The following MED12L variants were observed in gnomAD, a reference collection of about 807,000 sequenced individuals.
MED12L encodes mediator of RNA polymerase II transcription subunit 12-like protein.
MED12L carries 60 observed loss-of-function variants against 281.3 expected under a neutral mutation model. The ratio of observed to expected loss-of-function variants is 0.21; its 90% CI spans 0.17 to 0.26. The LOEUF is 0.26. Among genes scored for constraint, MED12L ranks in the 10% least tolerant of loss-of-function variants. MED12L has a pLI of 1.00. For missense variants in MED12L, 2,146 were observed against 2,680.9 expected, an observed-to-expected ratio of 0.80 and a Z score of 4.41; for synonymous variants, 974 against 987.2, an observed-to-expected ratio of 0.99 and a Z score of 0.25.
intron 4 of MED12L, among the ~76,000 whole-genome samples, chr3:151,123,216 G>C (rs1374304187): frequency 6.6e-6 from 1 of 151,968 alleles, no homozygotes; most frequent in Non-Finnish European, 1.5e-5. Context: ...TGGATTTTAG[G>C]TAGACAAGAT....
chr3:151,264,494 A>G (rs1200187719), intron 16 of MED12L, among the ~76,000 whole-genome samples: 1 of 152,244 alleles, frequency 6.6e-6, no homozygotes, highest in African/African-American at 2.4e-5. Context: ...TAGTTGGTTT[A>G]TGATTGTGTA....
chr3:151,155,871 C>T lies in MED12L; in HGVS notation c.557-290C>T, dbSNP rs528388302. Reference sequence around the variant, plus strand: ...CAGATGGACCCAATTCGAGAGTGAACATCTCTTCTCCTAGGTTAAGAGTCA... The same window carrying T: ...CAGATGGACCCAATTCGAGAGTGAATATCTCTTCTCCTAGGTTAAGAGTCA... On this transcript the variant is annotated intron_variant, in intron 5 of 44. Coordinates refer to ENST00000687756, the MANE Select transcript of MED12L (RefSeq NM_001393769.1). 2.6e-5 allele frequency among the ~76,000 whole-genome samples: 4 copies of T among 152,302 alleles called. No homozygotes were observed. In the South Asian group the frequency reaches 8.3e-4, roughly 32 times the overall value.
rs1177617265 is a variant in MED12L at position 151,137,160 on chromosome 3, C to CA, written c.556+9187dup. On this transcript the variant is annotated intron_variant, in intron 5 of 44. Coordinates refer to ENST00000687756, the MANE Select transcript of MED12L (RefSeq NM_001393769.1). The stretch of plus-strand genomic sequence containing the variant: ...CTGGTAACAGAGGTAGACTCCGTCT[C>CA]AAAAAAAAAAAGAAAAAAAAAAAAA... Among the ~76,000 whole-genome samples, 252 of 56,670 alleles carry CA rather than the reference C, an allele frequency of 4.4e-3. 1 individual carries two copies. The highest frequency in any genetic ancestry group is 0.014 in the African/African-American group (196 of 13,806). 37.2% of individuals were successfully genotyped at this position (56,670 alleles called of 152,430 possible).
intron 16 of MED12L, among the ~76,000 whole-genome samples, chr3:151,195,568 A>G (rs2149118054): frequency 6.6e-6 from 1 of 152,324 alleles, no homozygotes; most frequent in Non-Finnish European, 1.5e-5. Context: ...CATTTATAAT[A>G]TAATGGAATA....
intron 5 of MED12L, among the ~76,000 whole-genome samples, chr3:151,132,441 C>G (rs535059351): frequency 6.6e-6 from 1 of 152,290 alleles, no homozygotes; most frequent in Admixed American, 6.5e-5. Context: ...ATTTTGTAGA[C>G]TGTCCATTGA....
chr3:151,186,704 C>T (rs546529435), intron 12 of MED12L, among the ~76,000 whole-genome samples: 10 of 152,160 alleles, frequency 6.6e-5, no homozygotes, highest in African/African-American at 9.7e-5. Context: ...TCCATCACCA[C>T]GTGATCAAAG....
intron 43 of MED12L, among the ~76,000 whole-genome samples, chr3:151,426,193 G>T (rs1448353133): frequency 6.6e-6 from 1 of 152,194 alleles, no homozygotes; most frequent in African/African-American, 2.4e-5. Flanking sequence ...CCACTTGGGG[G>T]AGCCATTTTA....
At chr3:151,229,711 T>C (rs531709301) in intron 16 of MED12L, among the ~76,000 whole-genome samples, 1 of 151,958 alleles carries the variant, frequency 6.6e-6, no homozygotes, top group Admixed American at 6.6e-5. Flanking sequence ...GTGATCCGCC[T>C]GCCTCGGCCT....
chr3:151,362,982 C>A (rs138257212), intron 21 of MED12L, among the ~76,000 whole-genome samples: 1 of 152,054 alleles, frequency 6.6e-6, no homozygotes, highest in Admixed American at 6.6e-5. Context: ...TTACAGCAGC[C>A]GTTTTTTTAA....
At chr3:151,338,587 G>A in intron 16 of MED12L, 1 of 1,613,984 alleles carries the variant, frequency 6.2e-7, no homozygotes, top group Non-Finnish European at 8.5e-7. Flanking sequence ...CCTGTTCCCA[G>A]TTTGGCATCA....
intron 16 of MED12L, among the ~76,000 whole-genome samples, chr3:151,277,225 G>T (rs200302351): frequency 5.3e-5 from 8 of 150,960 alleles, no homozygotes; most frequent in Non-Finnish European, 1.0e-4. Flanking sequence ...TTTTTTTCCA[G>T]ACATGACAAT....
intron 16 of MED12L, among the ~76,000 whole-genome samples, chr3:151,226,486 T>C (rs915782869): frequency 8.5e-5 from 13 of 152,216 alleles, no homozygotes; most frequent in African/African-American, 3.1e-4. Context: ...TAATGTCTGA[T>C]TGATTCCAAG....
At chr3:151,321,469 A>T (rs1269262464) in intron 16 of MED12L, among the ~76,000 whole-genome samples, 1 of 152,208 alleles carries the variant, frequency 6.6e-6, no homozygotes, top group Non-Finnish European at 1.5e-5. Context: ...CAGTGACATT[A>T]TGTGTATATA....
chr3:151,260,728 C>T (rs547060223), intron 16 of MED12L, among the ~76,000 whole-genome samples: 1 of 152,232 alleles, frequency 6.6e-6, no homozygotes, highest in African/African-American at 2.4e-5. Flanking sequence ...GATCACTTTT[C>T]TGAGGTTTGT....
chr3:151,129,588 T>A (rs1715061078), intron 5 of MED12L, among the ~76,000 whole-genome samples: 1 of 152,146 alleles, frequency 6.6e-6, no homozygotes, highest in Non-Finnish European at 1.5e-5. Flanking sequence ...TTTCAAATAG[T>A]GCTGAAGTAG....
At chr3:151,135,523 A>G (rs1716019154) in intron 5 of MED12L, among the ~76,000 whole-genome samples, 1 of 152,196 alleles carries the variant, frequency 6.6e-6, no homozygotes, top group South Asian at 2.1e-4. Context: ...AGGTTTCATT[A>G]TTCCATTTTG....
intron 14 of MED12L, among the ~76,000 whole-genome samples, chr3:151,191,739 T>A (rs1724006689): frequency 6.6e-6 from 1 of 152,204 alleles, no homozygotes; most frequent in Non-Finnish European, 1.5e-5. Flanking sequence ...AAACCCTGTC[T>A]GTACCAAAAA....
At chr3:151,198,298 A>G (rs1724954255) in intron 16 of MED12L, 5 of 669,202 alleles carry the variant, frequency 7.5e-6, no homozygotes, top group South Asian at 5.7e-5. Flanking sequence ...AAACCTGTCC[A>G]TATTTGCTAG....
intron 16 of MED12L, chr3:151,198,926 A>G (rs1185096207): frequency 6.2e-7 from 1 of 1,613,834 alleles, no homozygotes; most frequent in Admixed American, 1.7e-5. Context: ...GATGTCTTTG[A>G]TGGGAATCAT....
Sources: gnomAD v4.1 joint callset for allele counts (sites outside exome capture counted in the v4.1 genomes callset) on GRCh38, gnomAD v4.1.1 for gene constraint, MANE v1.5 for transcripts, NCBI Gene and HGNC (gene_info 2026-07-23, HGNC 2026-07-21) for gene names.